PEBP4: variants seen among roughly 807,000 people sequenced by gnomAD.
PEBP4 encodes phosphatidylethanolamine-binding protein 4.
In PEBP4, 22 loss-of-function variants were observed where a neutral mutation model predicts 23.9. That is an observed-to-expected ratio of 0.92 (90% CI 0.66 to 1.31). PEBP4 has a LOEUF of 1.31. Ranked by LOEUF, PEBP4 falls within the 40% of genes most tolerant of loss-of-function variation. The pLI, the probability that PEBP4 is intolerant of heterozygous loss-of-function variation, is 0.00. For synonymous variants in PEBP4, 112 were observed against 99.3 expected, an observed-to-expected ratio of 1.13 and a Z score of -0.76; for missense variants, 324 against 281.7, an observed-to-expected ratio of 1.15 and a Z score of -1.07.
At chr8:22,756,184 G>A (rs1033753205) in intron 4 of PEBP4, among the ~76,000 whole-genome samples, 1 of 152,216 alleles carries the variant, frequency 6.6e-6, no homozygotes, top group African/African-American at 2.4e-5. Context: ...GGGATGGTCT[G>A]GAGACAAGGT....
intron 3 of PEBP4, among the ~76,000 whole-genome samples, chr8:22,916,927 G>A (rs1264658633): frequency 6.6e-6 from 1 of 152,236 alleles, no homozygotes; most frequent in Non-Finnish European, 1.5e-5. Context: ...AGATCAGCCA[G>A]GGATGTAGGT....
chr8:22,769,213 C>G (rs898488217), intron 4 of PEBP4, among the ~76,000 whole-genome samples: 2 of 152,218 alleles, frequency 1.3e-5, no homozygotes, highest in Admixed American at 1.3e-4. Flanking sequence ...TCCCTGGGCA[C>G]GCCATTGAGG....
At chr8:22,912,503 G>A (rs1808959910) in intron 3 of PEBP4, among the ~76,000 whole-genome samples, 1 of 152,232 alleles carries the variant, frequency 6.6e-6, no homozygotes, top group Non-Finnish European at 1.5e-5. Context: ...GTGAAAGGTA[G>A]TTGACTGCAA....
intron 4 of PEBP4, among the ~76,000 whole-genome samples, chr8:22,750,314 C>T (rs557440228): frequency 2.0e-5 from 3 of 151,144 alleles, no homozygotes; most frequent in African/African-American, 7.3e-5. Flanking sequence ...TTTGGTCAGG[C>T]TGGTCTCAAA....
At chr8:22,719,098 G>T (rs532547552) in intron 6 of PEBP4, among the ~76,000 whole-genome samples, 1 of 152,176 alleles carries the variant, frequency 6.6e-6, no homozygotes, top group African/African-American at 2.4e-5. Context: ...TGGGTGGGTG[G>T]TTCCACCTCT....
At chr8:22,879,412 G>A (rs1808196558) in intron 3 of PEBP4, 1 of 152,240 alleles carries the variant, frequency 6.6e-6, no homozygotes, top group Admixed American at 6.5e-5. Flanking sequence ...GAATTGGTGA[G>A]TAGCAGAGAT....
intron 3 of PEBP4, among the ~76,000 whole-genome samples, chr8:22,825,472 G>A (rs1413523863): frequency 6.6e-6 from 1 of 152,218 alleles, no homozygotes; most frequent in Non-Finnish European, 1.5e-5. Context: ...GATAGAGACT[G>A]TTTTATACTT....
intron 4 of PEBP4, among the ~76,000 whole-genome samples, chr8:22,759,703 A>G (rs1303813467): frequency 6.6e-6 from 1 of 152,150 alleles, no homozygotes; most frequent in Non-Finnish European, 1.5e-5. Context: ...TGAGAAATGC[A>G]GAGAGAAGTT....
intron 3 of PEBP4, among the ~76,000 whole-genome samples, chr8:22,825,178 G>C (rs958450344): frequency 1.3e-5 from 2 of 152,206 alleles, no homozygotes; most frequent in African/African-American, 4.8e-5. Context: ...GCAAAGGAGT[G>C]CTTGTTCACC....
At chr8:22,715,498 G>A (rs961659832) in intron 6 of PEBP4, among the ~76,000 whole-genome samples, 1 of 152,222 alleles carries the variant, frequency 6.6e-6, no homozygotes, top group Admixed American at 6.5e-5. Context: ...AGGGACGAGG[G>A]GGCCTTCCCC....
In PEBP4 at chr8:22,750,058, G is replaced by A. The variant is rs1248678607; in HGVS notation, c.358-22838C>T. ...CGACCTCATGTGATCCGCCTGCCTC[G>A]GCCTCCCAAAGTGCTGGGATTACAG... On this transcript the variant is annotated intron_variant, in intron 4 of 6. Transcript: ENST00000256404. 3.3e-5 allele frequency among the ~76,000 whole-genome samples: 5 copies of A among 151,962 alleles called. 1 individual carries two copies. In the South Asian group the frequency reaches 8.3e-4, roughly 25 times the overall value.
intron 6 of PEBP4, among the ~76,000 whole-genome samples, chr8:22,714,805 C>G (rs1313750190): frequency 4.6e-5 from 7 of 152,112 alleles, no homozygotes; most frequent in African/African-American, 1.4e-4. Flanking sequence ...GATAGCAAGC[C>G]CATTGAAGCG....
intron 3 of PEBP4, among the ~76,000 whole-genome samples, chr8:22,853,568 G>T (rs1366019001): frequency 1.3e-5 from 2 of 152,218 alleles, no homozygotes; most frequent in African/African-American, 4.8e-5. Flanking sequence ...ATCAGAGTTA[G>T]GTAGGAATAG....
At chr8:22,767,809 G>A (rs545175507) in intron 4 of PEBP4, among the ~76,000 whole-genome samples, 2 of 151,974 alleles carry the variant, frequency 1.3e-5, no homozygotes, top group South Asian at 2.1e-4. Flanking sequence ...CGCTGGGCTC[G>A]GCTCACTGCA....
At chr8:22,931,163 C>A (rs1809450120), upstream of PEBP4, among the ~76,000 whole-genome samples, 1 of 152,186 alleles carries the variant, frequency 6.6e-6, no homozygotes, top group Non-Finnish European at 1.5e-5. Context: ...TCCACATAGG[C>A]CCTCTGGAAT....
At chr8:22,737,104 G>A (rs1804879612) in intron 4 of PEBP4, among the ~76,000 whole-genome samples, 1 of 152,040 alleles carries the variant, frequency 6.6e-6, no homozygotes, top group Non-Finnish European at 1.5e-5. Context: ...GACCAGCCTG[G>A]CCAACTTGGC....
intron 2 of PEBP4, chr8:22,924,683 G>A (rs1809285389): frequency 1.0e-6 from 1 of 985,274 alleles, no homozygotes; most frequent in Non-Finnish European, 1.2e-6. Context: ...CCCTAGGGGA[G>A]CTTGCAGGGC....
chr8:22,811,957 T>C (rs983629311), intron 4 of PEBP4, among the ~76,000 whole-genome samples: 5 of 152,224 alleles, frequency 3.3e-5, no homozygotes, highest in Non-Finnish European at 7.3e-5. Flanking sequence ...GGGGAGATAA[T>C]TACATTTACC....
intron 3 of PEBP4, among the ~76,000 whole-genome samples, chr8:22,839,799 G>T (rs578211873): frequency 2.0e-5 from 3 of 152,214 alleles, no homozygotes; most frequent in Admixed American, 2.0e-4. Flanking sequence ...GCTCTTCCAC[G>T]TGAGGGGCCC....
Sources: gnomAD v4.1 joint callset for allele counts (sites outside exome capture counted in the v4.1 genomes callset) on GRCh38, gnomAD v4.1.1 for gene constraint, MANE v1.5 for transcripts, NCBI Gene and HGNC (gene_info 2026-07-23, HGNC 2026-07-21) for gene names.